VPS13B: variants seen among roughly 807,000 people sequenced by gnomAD.
VPS13B encodes intermembrane lipid transfer protein VPS13B.
VPS13B carries 285 observed loss-of-function variants against 426.4 expected under a neutral mutation model. That is an observed-to-expected ratio of 0.67 (90% CI 0.61 to 0.74). The LOEUF (loss-of-function observed/expected upper bound fraction) is 0.74. Among genes scored for constraint, VPS13B ranks in the 30% least tolerant of loss-of-function variants. The pLI is 0.00. For synonymous variants in VPS13B, 1,676 were observed against 1,676.4 expected (o/e 1.00, Z 0.01); for missense variants, 4,537 against 4,782.6 (o/e 0.95, Z 1.51).
At chr8:99,289,166 T>G (rs1819597034) in intron 19 of VPS13B, among the ~76,000 whole-genome samples, 1 of 152,094 alleles carries the variant, frequency 6.6e-6, no homozygotes. Flanking sequence ...TCGATAAAGT[T>G]GAAATTTTCC....
intron 58 of VPS13B, among the ~76,000 whole-genome samples, chr8:99,866,185 C>G (rs1193850592): frequency 2.0e-5 from 3 of 152,236 alleles, no homozygotes; most frequent in Non-Finnish European, 4.4e-5. Flanking sequence ...TGAAAGCCTT[C>G]GAGCAGAGTT....
chr8:99,089,818 A>G (rs1763109436), intron 3 of VPS13B, among the ~76,000 whole-genome samples: 4 of 152,176 alleles, frequency 2.6e-5, no homozygotes, highest in Admixed American at 2.6e-4. Flanking sequence ...TACAGAATAT[A>G]GATTTTCCCC....
At chr8:99,700,064 T>A in intron 36 of VPS13B, 132 bp downstream of exon 36, 2 of 1,081,152 alleles carry the variant, frequency 1.8e-6, no homozygotes, top group Non-Finnish European at 2.6e-6. Context: ...GATGAGGACA[T>A]TTCTGGTTTG....
At chr8:99,722,413 A>C (rs1257700949) in intron 39 of VPS13B, among the ~76,000 whole-genome samples, 1 of 152,138 alleles carries the variant, frequency 6.6e-6, no homozygotes, top group East Asian at 1.9e-4. Context: ...CACTCACCAA[A>C]TGTTTGAAGT....
intron 44 of VPS13B, among the ~76,000 whole-genome samples, chr8:99,809,894 A>C (rs1006052384): frequency 6.6e-6 from 1 of 152,204 alleles, no homozygotes; most frequent in African/African-American, 2.4e-5. Flanking sequence ...TGGATAATCC[A>C]CCAGCGGATA....
chr8:99,633,758 T>G (rs534949776), intron 33 of VPS13B, among the ~76,000 whole-genome samples: 1 of 151,454 alleles, frequency 6.6e-6, no homozygotes, highest in Non-Finnish European at 1.5e-5. Context: ...TTGTTTCTTA[T>G]GTAGAGGCAT....
chr8:99,593,418 T>A (rs1826796713), intron 33 of VPS13B, among the ~76,000 whole-genome samples: 1 of 151,902 alleles, frequency 6.6e-6, no homozygotes, highest in Non-Finnish European at 1.5e-5. Context: ...AACAGATGCT[T>A]GCAAGGTTAT....
chr8:99,292,048 A>G (rs954468644), intron 19 of VPS13B, among the ~76,000 whole-genome samples: 1 of 152,144 alleles, frequency 6.6e-6, no homozygotes, highest in Non-Finnish European at 1.5e-5. Flanking sequence ...GTTTTCTAAG[A>G]CAAATTTTTA....
At chr8:99,066,057 G>A (rs1461369920) in intron 3 of VPS13B, among the ~76,000 whole-genome samples, 14 of 152,184 alleles carry the variant, frequency 9.2e-5, no homozygotes, top group Admixed American at 6.5e-4. Flanking sequence ...AATCAATATC[G>A]TGAAAATGGC....
chr8:99,444,385 C>T (rs1817816501), intron 23 of VPS13B, among the ~76,000 whole-genome samples: 1 of 152,218 alleles, frequency 6.6e-6, no homozygotes, highest in Admixed American at 6.5e-5. Flanking sequence ...GCGTGAGCCA[C>T]TGCGCCTGGC....
chr8:99,521,175 A>G (rs990562539), intron 30 of VPS13B, among the ~76,000 whole-genome samples, 165 bp downstream of exon 30: 1 of 152,192 alleles, frequency 6.6e-6, no homozygotes, highest in Admixed American at 6.5e-5. Flanking sequence ...TTTTTAATTC[A>G]TTCAGACAAA....
chr8:99,338,804 A>C (rs1219776042), intron 19 of VPS13B, among the ~76,000 whole-genome samples: 4 of 152,078 alleles, frequency 2.6e-5, no homozygotes, highest in Admixed American at 2.6e-4. Context: ...TACCATGATA[A>C]AATTTTAGTA....
chr8:99,390,507 AAT>A (rs1237709654), intron 20 of VPS13B, among the ~76,000 whole-genome samples: 1 of 152,178 alleles, frequency 6.6e-6, no homozygotes, highest in African/African-American at 2.4e-5. Flanking sequence ...ATAGTTATAT[AAT>A]AAACATGTTT....
intron 21 of VPS13B, among the ~76,000 whole-genome samples, chr8:99,417,783 A>T (rs1816113125): frequency 1.3e-5 from 2 of 150,546 alleles, no homozygotes; most frequent in Admixed American, 6.6e-5. Flanking sequence ...CCCTTACCTT[A>T]CTTTGTTTCT....
chr8:99,524,829 A>G (rs1822564797), intron 30 of VPS13B, among the ~76,000 whole-genome samples: 1 of 152,198 alleles, frequency 6.6e-6, no homozygotes, highest in African/African-American at 2.4e-5. Flanking sequence ...GAGCTCCAGT[A>G]TGTCTGGCAG....
chr8:99,501,904 C>G (rs1563764183), intron 26 of VPS13B, 46 bp downstream of exon 26: 1 of 1,355,316 alleles, frequency 7.4e-7, no homozygotes, highest in South Asian at 1.3e-5. Flanking sequence ...CTGTCCCTCC[C>G]TCCCTCCCTC....
At chr8:99,819,677 T>G in intron 48 of VPS13B, 95 bp downstream of exon 48, 32 of 1,399,904 alleles carry the variant, frequency 2.3e-5, no homozygotes, top group Non-Finnish European at 3.2e-5. Flanking sequence ...GGTGTGTGCA[T>G]GTATCTGTCA....
intron 23 of VPS13B, 145 bp from the exon 24 acceptor site, chr8:99,467,269 C>A: frequency 2.5e-6 from 2 of 811,350 alleles, no homozygotes; most frequent in East Asian, 2.6e-5. Context: ...AATTGTTTAG[C>A]ACCGTGGTCT....
At chr8:99,714,348 T>C (rs1042386137) in intron 36 of VPS13B, among the ~76,000 whole-genome samples, 46 of 152,052 alleles carry the variant, frequency 3.0e-4, no homozygotes, top group African/African-American at 1.1e-3. Flanking sequence ...ACAGCTGTAG[T>C]ATATGTGCTA....
Sources: gnomAD v4.1 joint callset for allele counts (sites outside exome capture counted in the v4.1 genomes callset) on GRCh38, gnomAD v4.1.1 for gene constraint, MANE v1.5 for transcripts, NCBI Gene and HGNC (gene_info 2026-07-23, HGNC 2026-07-21) for gene names.